Variants in GSE1 observed in about 807,000 individuals in gnomAD.
GSE1 encodes the protein genetic suppressor element 1.
In GSE1, 32 loss-of-function variants were observed where a neutral mutation model predicts 112.6. That is an observed-to-expected ratio of 0.28 (90% confidence interval 0.21 to 0.38). GSE1 has a LOEUF of 0.38. GSE1 is among the 10% of genes least tolerant of loss of function. GSE1 has a pLI of 1.00. For missense variants in GSE1, 2,348 were observed against 1,699.2 expected, an observed-to-expected ratio of 1.38 and a Z score of -6.71; for synonymous variants, 1,115 against 735.6, an observed-to-expected ratio of 1.52 and a Z score of -8.35.
chr16:85,299,979 G>T (rs1347769907), intron 1 of GSE1, among the ~76,000 whole-genome samples: 1 of 147,836 alleles, frequency 6.8e-6, no homozygotes. Context: ...CTTTTTAATT[G>T]TGTGGAAACA....
intron 1 of GSE1, among the ~76,000 whole-genome samples, chr16:85,227,850 G>A (rs997795795): frequency 6.6e-6 from 1 of 152,246 alleles, no homozygotes. Flanking sequence ...GCCGACCGGG[G>A]GATACAGCAG....
intron 1 of GSE1, among the ~76,000 whole-genome samples, chr16:85,231,511 G>A (rs1311481702): frequency 6.6e-6 from 1 of 152,238 alleles, no homozygotes; most frequent in African/African-American, 2.4e-5. Context: ...TGGATAGAAA[G>A]ATGGATGGCT....
rs924941076 is a variant in GSE1 at position 85,419,563 on chromosome 16, A to C, written c.2464+61920A>C. Among the ~76,000 whole-genome samples the C allele has an allele frequency of 6.6e-6, 1 of 151,798 alleles. No homozygotes were observed. The highest frequency in any genetic ancestry group is 1.5e-5 in the Non-Finnish European group (1 of 67,952). On this transcript the variant is annotated intron_variant, in intron 2 of 2. Coordinates refer to the GSE1 transcript ENST00000637419. This position sits in a 1 kb window ranked among gnomAD's most constrained non-coding sequence, Gnocchi z 6.5. ...CGAGGCTGCAGTGAGCCATGACTGC[A>C]TCACTGTACTCCAGCCTGGGCAATA...
At chr16:85,333,574 T>C (rs937527946) in intron 1 of GSE1, among the ~76,000 whole-genome samples, 75 of 152,340 alleles carry the variant, frequency 4.9e-4, no homozygotes, top group African/African-American at 1.7e-3. Flanking sequence ...TCCGCCTCTT[T>C]ACTGTATGTG....
intron 2 of GSE1, among the ~76,000 whole-genome samples, chr16:85,389,668 T>C (rs2047791726): frequency 6.6e-6 from 1 of 152,054 alleles, no homozygotes; most frequent in Non-Finnish European, 1.5e-5. Flanking sequence ...AACCTCCTGC[T>C]CTCACGGCTG....
intron 1 of GSE1, among the ~76,000 whole-genome samples, chr16:85,334,034 G>A (rs1027223409): frequency 6.6e-6 from 1 of 152,198 alleles, no homozygotes; most frequent in South Asian, 2.1e-4. Flanking sequence ...TCCAGGGCGT[G>A]GACACGGGGC....
intron 1 of GSE1, among the ~76,000 whole-genome samples, chr16:85,183,570 G>T (rs1216162708): frequency 6.6e-6 from 1 of 152,236 alleles, no homozygotes; most frequent in Admixed American, 6.5e-5. Flanking sequence ...TTGGTGATCT[G>T]GCCGTCCTCC....
chr16:85,516,849 G>A (rs28716038), intron 2 of GSE1, among the ~76,000 whole-genome samples: 2 of 149,510 alleles, frequency 1.3e-5, no homozygotes, highest in Non-Finnish European at 3.0e-5. Flanking sequence ...CCAGGCTGGA[G>A]TGCAGTGGCG....
intron 1 of GSE1, among the ~76,000 whole-genome samples, chr16:85,598,553 G>A (rs1322895161): frequency 1.3e-5 from 2 of 152,286 alleles, no homozygotes; most frequent in Non-Finnish European, 2.9e-5. Context: ...AAATAGCTGA[G>A]CAGGAACTTC....
chr16:85,272,116 C>T (rs114923333), intron 1 of GSE1, among the ~76,000 whole-genome samples: 2,047 of 152,342 alleles, frequency 0.013, 54 homozygotes, highest in African/African-American at 0.045. Flanking sequence ...CGTCACCATG[C>T]GGCCGCCATT....
At chr16:85,646,366 C>T (rs959301943) in intron 2 of GSE1, among the ~76,000 whole-genome samples, 1 of 152,238 alleles carries the variant, frequency 6.6e-6, no homozygotes, top group Non-Finnish European at 1.5e-5. Context: ...CATCTGTCCC[C>T]GTGGGCCCAA....
intron 1 of GSE1, among the ~76,000 whole-genome samples, chr16:85,242,789 T>C (rs1305880927): frequency 6.6e-6 from 1 of 152,186 alleles, no homozygotes; most frequent in African/African-American, 2.4e-5. Context: ...TAGGTGACCC[T>C]GTTTTATTTA....
At chr16:85,376,857 C>T (rs905810847) in intron 2 of GSE1, among the ~76,000 whole-genome samples, 1 of 152,186 alleles carries the variant, frequency 6.6e-6, no homozygotes, top group Non-Finnish European at 1.5e-5. Flanking sequence ...AGGCTGTGTC[C>T]GTGGTGCCAT....
upstream of GSE1, chr16:85,555,277 C>G (rs903737146): frequency 3.5e-5 from 34 of 985,084 alleles, no homozygotes; most frequent in African/African-American, 5.2e-5. Context: ...CCTCCCCGCT[C>G]TCCTCCTGCC....
intron 1 of GSE1, among the ~76,000 whole-genome samples, chr16:85,614,260 C>T (rs1037207827): frequency 6.6e-6 from 1 of 152,142 alleles, no homozygotes; most frequent in Admixed American, 6.5e-5. Flanking sequence ...TGATGGGCGG[C>T]GAGTGGCCCG....
intron 2 of GSE1, among the ~76,000 whole-genome samples, chr16:85,388,320 ATGGATGG>A (rs2047743823): frequency 2.5e-5 from 2 of 80,048 alleles, no homozygotes; most frequent in Admixed American, 1.3e-4. Context: ...GGATGGATGG[ATGGATGG>A]ATGAATGGAT....
chr16:85,617,825 A>C (rs953770262), intron 1 of GSE1, among the ~76,000 whole-genome samples: 3 of 151,888 alleles, frequency 2.0e-5, no homozygotes, highest in African/African-American at 7.3e-5. Flanking sequence ...CTCTCTTCCC[A>C]CCTGGGAAGC....
Position 85,622,762 on chromosome 16 carries a change from A to G in GSE1, c.7+9364A>G, listed in dbSNP as rs551061536. On this transcript the variant is annotated intron_variant, in intron 1 of 15. Transcript: ENST00000253458. The stretch of plus-strand genomic sequence containing the variant: ...GACACACGCCAGAATTGTGGCCTTC[A>G]TAGGCGTCCCCTGAAGCTGAGCCTG... Among the ~76,000 whole-genome samples the G allele has an allele frequency of 3.3e-5, 5 of 152,306 alleles. No homozygotes were observed. The South Asian group carries it at 6.2e-4, about 19-fold the overall frequency.
rs980605405 is a variant in GSE1 at position 85,556,584 on chromosome 16, C to T, written c.37+221C>T. Among the ~76,000 whole-genome samples the T allele has an allele frequency of 1.2e-3, 182 of 151,656 alleles. 1 individual carries two copies. The highest frequency in any genetic ancestry group is 2.3e-3 in the Non-Finnish European group (155 of 67,810). On this transcript the variant is annotated intron_variant, in intron 1 of 2. Coordinates refer to the GSE1 transcript ENST00000635906. ...GGAGCGCCCACCTGGCCCGCCGCCCCCATCGCGCCGCCGCCGGGGGTTGCG... is the reference window on the plus strand; with the variant it reads ...GGAGCGCCCACCTGGCCCGCCGCCCTCATCGCGCCGCCGCCGGGGGTTGCG...
Sources: allele counts gnomAD v4.1 joint callset (sites outside exome capture counted in the v4.1 genomes callset), GRCh38; gene constraint gnomAD v4.1.1; non-coding constraint Gnocchi (gnomAD v3.1); transcripts MANE v1.5; gene names NCBI Gene and HGNC (gene_info 2026-07-23, HGNC 2026-07-21).